SORCS3: variants seen among roughly 807,000 people sequenced by gnomAD.
The protein encoded by SORCS3 is VPS10 domain-containing receptor SorCS3.
Under a neutral mutation model 146.3 loss-of-function variants are expected in SORCS3, and 57 were observed. The observed-to-expected ratio is 0.39, with a 90% CI of 0.31 to 0.49. The LOEUF is 0.49. Among genes scored for constraint, SORCS3 ranks in the 20% least tolerant of loss-of-function variants. The pLI is 0.92. For synonymous variants in SORCS3, 653 were observed against 618.5 expected (o/e 1.06, Z -0.83); for missense variants, 1,341 against 1,575.5 (o/e 0.85, Z 2.52).
chr10:105,237,235 G>A (rs903399508), intron 20 of SORCS3, among the ~76,000 whole-genome samples: 5 of 152,128 alleles, frequency 3.3e-5, no homozygotes, highest in African/African-American at 1.2e-4. Context: ...AGTCCAGACC[G>A]AATCTTCTTT....
chr10:104,900,778 C>A (rs988554231), intron 2 of SORCS3, among the ~76,000 whole-genome samples: 1 of 151,534 alleles, frequency 6.6e-6, no homozygotes, highest in African/African-American at 2.4e-5. Flanking sequence ...CCTGTAATCC[C>A]AGCTACTCGG....
intron 2 of SORCS3, among the ~76,000 whole-genome samples, chr10:104,853,025 C>T (rs567071427): frequency 6.6e-5 from 10 of 152,280 alleles, no homozygotes; most frequent in East Asian, 1.9e-4. Context: ...ATAGGCCGGG[C>T]GCGGTGGCTC....
At chr10:104,944,329 T>C (rs1188114723) in intron 3 of SORCS3, among the ~76,000 whole-genome samples, 1 of 152,204 alleles carries the variant, frequency 6.6e-6, no homozygotes, top group Non-Finnish European at 1.5e-5. Context: ...TATAGGCTTC[T>C]AAAAAATTTT....
intron 9 of SORCS3, among the ~76,000 whole-genome samples, chr10:105,151,597 C>G (rs1288399221): frequency 1.3e-5 from 2 of 152,038 alleles, no homozygotes; most frequent in African/African-American, 4.8e-5. Flanking sequence ...TCTGCATGGA[C>G]CTCTGAAGCT....
At chr10:104,910,253 CT>C (rs2018953221) in intron 2 of SORCS3, among the ~76,000 whole-genome samples, 1 of 152,164 alleles carries the variant, frequency 6.6e-6, no homozygotes, top group Non-Finnish European at 1.5e-5. Context: ...AGCAGTGTCT[CT>C]TTGGAGGTAC....
rs1421324820 is a variant in SORCS3, at chr10:104,641,664, G to A, written c.337G>A (p.Glu113Lys). The change falls in exon 1 of 27, where the codon GAG becomes AAG. Residue 113 changes from glutamate (E) to lysine (K), a missense_variant. By Grantham distance (56) the Glu-to-Lys change is moderately conservative. Coordinates refer to ENST00000369701, the MANE Select transcript of SORCS3 (RefSeq NM_014978.3). The surrounding 1 kb of genome is among the most constrained non-coding windows in gnomAD (Gnocchi z 6.4). ...AGCCGGAGGGACATCACCGGCAGGC[G>A]AGCGGCGGGGCCGGGGCATCCCAGC... ...VEAGGTSPAG[E>K]RRGRGIPAPA... The A allele has an allele frequency of 2.0e-6, 3 of 1,525,770 alleles. No individual in the cohort carries two copies. Among genetic ancestry groups the A allele is most frequent in the East Asian group, 5.0e-5 (2 of 40,324 alleles). 94.5% of individuals were successfully genotyped at this position (1,525,770 alleles called of 1,614,324 possible). A position where few individuals can be genotyped will look rare whatever the true frequency, so the allele number is the denominator to read the frequency against.
chr10:104,659,138 G>A (rs2015669774), intron 1 of SORCS3, among the ~76,000 whole-genome samples: 1 of 152,198 alleles, frequency 6.6e-6, no homozygotes, highest in Non-Finnish European at 1.5e-5. Flanking sequence ...TTGAAGGGGA[G>A]CAAGGAGGAC....
At chr10:104,740,369 A>G (rs1360044092) in intron 1 of SORCS3, among the ~76,000 whole-genome samples, 1 of 152,238 alleles carries the variant, frequency 6.6e-6, no homozygotes, top group East Asian at 1.9e-4. Flanking sequence ...GATTGTGATC[A>G]AAATATGTAG....
At chr10:104,827,639 C>T (rs1038212321) in intron 1 of SORCS3, among the ~76,000 whole-genome samples, 2 of 152,236 alleles carry the variant, frequency 1.3e-5, no homozygotes, top group East Asian at 1.9e-4. Context: ...TAAGTGAGCA[C>T]TGGCTTTAGC....
At chr10:104,965,827 C>T (rs2054823372) in intron 3 of SORCS3, among the ~76,000 whole-genome samples, 1 of 151,730 alleles carries the variant, frequency 6.6e-6, no homozygotes, top group Non-Finnish European at 1.5e-5. Context: ...TAAATGACTG[C>T]AGTTTTGTTG....
intron 14 of SORCS3, among the ~76,000 whole-genome samples, chr10:105,187,117 G>A (rs1256888379): frequency 6.6e-6 from 1 of 151,938 alleles, no homozygotes; most frequent in Admixed American, 6.6e-5. Flanking sequence ...GTTTGGACTA[G>A]GATGATTTAT....
At chr10:105,114,212 C>A (rs975599989) in intron 7 of SORCS3, among the ~76,000 whole-genome samples, 1 of 152,020 alleles carries the variant, frequency 6.6e-6, no homozygotes, top group Non-Finnish European at 1.5e-5. Context: ...CTCTTCATGG[C>A]ACAGAGGGTG....
At chr10:104,816,567 A>G (rs761815184) in intron 1 of SORCS3, among the ~76,000 whole-genome samples, 3 of 152,226 alleles carry the variant, frequency 2.0e-5, no homozygotes, top group Non-Finnish European at 4.4e-5. Context: ...TCAGAGGTAC[A>G]CCCAAGTGCA....
chr10:105,228,533 A>G (rs902363528), intron 20 of SORCS3, among the ~76,000 whole-genome samples: 1 of 151,856 alleles, frequency 6.6e-6, no homozygotes, highest in Non-Finnish European at 1.5e-5. Flanking sequence ...TAATATGGCA[A>G]ATCTAGTGGT....
chr10:104,656,730 T>G (rs777085897), intron 1 of SORCS3, among the ~76,000 whole-genome samples: 2 of 150,618 alleles, frequency 1.3e-5, no homozygotes, highest in Non-Finnish European at 3.0e-5. Flanking sequence ...AGTAGGAGAG[T>G]GATAAAATGA....
chr10:104,702,739 G>T (rs1467679633), intron 1 of SORCS3, among the ~76,000 whole-genome samples: 1 of 152,172 alleles, frequency 6.6e-6, no homozygotes, highest in African/African-American at 2.4e-5. Context: ...TGGTGCTGGG[G>T]TTCAGGTACA....
At chr10:104,990,125 C>G (rs1033745525) in intron 4 of SORCS3, among the ~76,000 whole-genome samples, 8 of 152,188 alleles carry the variant, frequency 5.3e-5, no homozygotes, top group Non-Finnish European at 8.8e-5. Flanking sequence ...GTGCAGAAAG[C>G]TATAGAAGTA....
intron 2 of SORCS3, among the ~76,000 whole-genome samples, chr10:104,909,966 A>G (rs1356908897): frequency 6.6e-6 from 1 of 152,146 alleles, no homozygotes; most frequent in Non-Finnish European, 1.5e-5. Flanking sequence ...GACCAAGTGT[A>G]TGGCAGGTCA....
intron 3 of SORCS3, among the ~76,000 whole-genome samples, chr10:104,925,267 C>CACATG (rs1338678008): frequency 6.6e-6 from 1 of 152,210 alleles, no homozygotes; most frequent in Non-Finnish European, 1.5e-5. Context: ...AACTGTAGAA[C>CACATG]ACATGACTCG....
Sources: gnomAD v4.1 joint callset for allele counts (sites outside exome capture counted in the v4.1 genomes callset) on GRCh38, gnomAD v4.1.1 for gene constraint, Gnocchi (gnomAD v3.1) non-coding constraint, MANE v1.5 for transcripts, NCBI Gene and HGNC (gene_info 2026-07-23, HGNC 2026-07-21) for gene names.